CDH18: variants seen among roughly 807,000 people sequenced by gnomAD.
The protein encoded by CDH18 is cadherin 18.
CDH18 carries 31 observed loss-of-function variants against 67.9 expected under a neutral mutation model. The observed-to-expected ratio is 0.46, with a 90% CI of 0.34 to 0.62. The LOEUF (loss-of-function observed/expected upper bound fraction) is 0.62. Ranked by LOEUF, CDH18 falls within the 20% of genes least tolerant of loss-of-function variation. The pLI is 0.01. For synonymous variants in CDH18, 362 were observed against 347.2 expected, an observed-to-expected ratio of 1.04 and a Z score of -0.48; for missense variants, 890 against 975.5, an observed-to-expected ratio of 0.91 and a Z score of 1.17.
At chr5:19,599,607 A>G (rs758571303) in intron 6 of CDH18, among the ~76,000 whole-genome samples, 1 of 152,158 alleles carries the variant, frequency 6.6e-6, no homozygotes, top group Non-Finnish European at 1.5e-5. Context: ...GAGTGACTAA[A>G]AAAACACAGA....
chr5:19,478,823 G>A (rs1278835727), intron 12 of CDH18, among the ~76,000 whole-genome samples: 1 of 152,168 alleles, frequency 6.6e-6, no homozygotes, highest in African/African-American at 2.4e-5. Flanking sequence ...GGGAGGGAGA[G>A]AGGATTTCAG....
intron 1 of CDH18, among the ~76,000 whole-genome samples, chr5:20,506,979 C>T (rs114642442): frequency 3.0e-4 from 46 of 152,296 alleles, no homozygotes; most frequent in African/African-American, 1.0e-3. Context: ...CTGATTACTC[C>T]ATTTTATAAA....
intron 1 of CDH18, among the ~76,000 whole-genome samples, chr5:20,484,704 A>G (rs926713669): frequency 6.6e-6 from 1 of 152,090 alleles, no homozygotes; most frequent in Non-Finnish European, 1.5e-5. Context: ...CATAAAAAGA[A>G]AAGTTCCAGA....
rs547104576 is a variant in CDH18, at chr5:19,708,818, G to A, written c.643+12529C>T. On this transcript the variant is annotated intron_variant, in intron 5 of 12. Coordinates refer to ENST00000382275, the MANE Select transcript of CDH18 (RefSeq NM_004934.5). ...TAAATATGTGGGTAAAACTCTGTTC[G>A]CAGCTCTCAGCTCTGAAGGCTGTCA... Among the ~76,000 whole-genome samples the A allele has an allele frequency of 6.6e-5, 10 of 151,996 alleles. No individual in the cohort carries two copies. In the East Asian group the frequency reaches 7.8e-4, roughly 12 times the overall value.
chr5:20,410,593 A>G (rs1746682675), intron 1 of CDH18, among the ~76,000 whole-genome samples: 1 of 151,596 alleles, frequency 6.6e-6, no homozygotes, highest in African/African-American at 2.4e-5. Context: ...CATCAGAAAC[A>G]TGAGAAGGAT....
intron 2 of CDH18, among the ~76,000 whole-genome samples, chr5:20,078,462 CAAAACAAAAAACAA>C (rs1009477875): frequency 2.0e-5 from 3 of 149,820 alleles, no homozygotes; most frequent in African/African-American, 7.4e-5. Context: ...GACTCTGTCT[CAAAACAAAAAACAA>C]AAAACAAAAA....
In CDH18 at chr5:20,419,462, G is replaced by GTTTTT. The variant is rs202130030; in HGVS notation, c.-580+155995_-580+155999dup. On this transcript the variant is annotated intron_variant, in intron 1 of 14. Transcript: ENST00000507958. Reference sequence around the variant, plus strand: ...CCAACCACCCAGGGTATGGGACTCTGTTTTTTTTTTTTTTTTTTTTTTTTT... The same window carrying GTTTTT: ...CCAACCACCCAGGGTATGGGACTCTGTTTTTTTTTTTTTTTTTTTTTTTTTTTTTT... Among the ~76,000 whole-genome samples, 300 of 75,640 alleles carry GTTTTT rather than the reference G, an allele frequency of 4.0e-3. 51 individuals carry two copies. Among genetic ancestry groups the GTTTTT allele is most frequent in the Non-Finnish European group, 5.4e-3 (208 of 38,760 alleles). The allele number at this position is 75,640 out of a possible 152,430, so 49.6% of individuals were successfully genotyped here.
chr5:19,575,336 T>G (rs192824075), intron 7 of CDH18, among the ~76,000 whole-genome samples: 2 of 152,340 alleles, frequency 1.3e-5, no homozygotes, highest in Admixed American at 6.5e-5. Flanking sequence ...TGGTGGTTGG[T>G]ATCAAACTCA....
chr5:19,851,111 C>A (rs1372472375), intron 2 of CDH18, among the ~76,000 whole-genome samples: 1 of 151,622 alleles, frequency 6.6e-6, no homozygotes, highest in Non-Finnish European at 1.5e-5. Flanking sequence ...AGTATAATGT[C>A]CTCGAGAGTA....
chr5:20,552,056 A>G (rs1757661253), intron 1 of CDH18, among the ~76,000 whole-genome samples: 1 of 152,164 alleles, frequency 6.6e-6, no homozygotes, highest in Non-Finnish European at 1.5e-5. Context: ...GTGTTCAAAT[A>G]TTCAAGAAAC....
At chr5:20,495,679 T>C (rs573185862) in intron 1 of CDH18, among the ~76,000 whole-genome samples, 68 of 152,158 alleles carry the variant, frequency 4.5e-4, no homozygotes, top group Middle Eastern at 3.4e-3. Context: ...TAGTTGACCA[T>C]AGTGATCACA....
intron 3 of CDH18, among the ~76,000 whole-genome samples, chr5:19,757,924 T>C (rs1771822399): frequency 6.6e-6 from 1 of 152,192 alleles, no homozygotes; most frequent in South Asian, 2.1e-4. Context: ...GCTGTAGTGG[T>C]GCAGCTGTCC....
At chr5:19,751,273 A>T (rs1267345348) in intron 3 of CDH18, among the ~76,000 whole-genome samples, 4 of 152,228 alleles carry the variant, frequency 2.6e-5, no homozygotes, top group Non-Finnish European at 4.4e-5. Context: ...GAATAACTTT[A>T]AAAAGTTAAG....
chr5:19,514,877 T>A (rs529666799), intron 10 of CDH18, among the ~76,000 whole-genome samples: 1 of 152,202 alleles, frequency 6.6e-6, no homozygotes, highest in Non-Finnish European at 1.5e-5. Flanking sequence ...TATTTTGGCT[T>A]TTGTTGCCAT....
At chr5:19,517,126 C>A (rs1215167304) in intron 10 of CDH18, among the ~76,000 whole-genome samples, 1 of 152,070 alleles carries the variant, frequency 6.6e-6, no homozygotes, top group Non-Finnish European at 1.5e-5. Context: ...AATTTCTCCA[C>A]AATTTACCAA....
intron 1 of CDH18, chr5:20,304,486 C>T: frequency 2.5e-6 from 4 of 1,588,586 alleles, no homozygotes; most frequent in Admixed American, 3.3e-5. Flanking sequence ...CTTGGCCCTC[C>T]AATGGTTTAG....
chr5:20,054,734 C>T (rs1022310022), intron 2 of CDH18, among the ~76,000 whole-genome samples: 1 of 152,186 alleles, frequency 6.6e-6, no homozygotes, highest in African/African-American at 2.4e-5. Flanking sequence ...CACATTGTCT[C>T]TCAATTTTTT....
intron 1 of CDH18, among the ~76,000 whole-genome samples, chr5:19,986,474 ATTGGTATCAGTTCC>A (rs1013400934): frequency 6.6e-6 from 1 of 152,176 alleles, no homozygotes; most frequent in African/African-American, 2.4e-5. Flanking sequence ...AATCTTGACC[ATTGGTATCAGTTCC>A]TTTTTGTTTG....
chr5:20,290,418 C>A (rs757760102), intron 1 of CDH18, among the ~76,000 whole-genome samples: 2 of 152,082 alleles, frequency 1.3e-5, no homozygotes, highest in African/African-American at 4.8e-5. Context: ...TCAGAGATGG[C>A]AACATCTATT....
Sources: allele counts gnomAD v4.1 joint callset (sites outside exome capture counted in the v4.1 genomes callset), GRCh38; gene constraint gnomAD v4.1.1; transcripts MANE v1.5; gene names NCBI Gene and HGNC (gene_info 2026-07-23, HGNC 2026-07-21).